Variants in CAST observed in about 807,000 individuals in gnomAD.
CAST encodes the protein MIR583 host.
A neutral mutation model predicts 119.6 loss-of-function variants in CAST; 76 were observed. That is an observed-to-expected ratio of 0.64 (90% CI 0.53 to 0.77). The LOEUF (loss-of-function observed/expected upper bound fraction) is 0.77, where lower values mean the gene tolerates loss of function less well. Ranked by LOEUF, CAST falls within the 30% of genes least tolerant of loss-of-function variation. CAST has a pLI of 0.00. For synonymous variants in CAST, 319 were observed against 331.6 expected (o/e 0.96, Z 0.41); for missense variants, 953 against 946.5 (o/e 1.01, Z -0.09).
At chr5:96,583,664 G>C (rs745713496) in intron 1 of CAST, among the ~76,000 whole-genome samples, 1 of 152,080 alleles carries the variant, frequency 6.6e-6, no homozygotes, top group African/African-American at 2.4e-5. Context: ...TATTATTTTC[G>C]TACAACTTTT....
the CAST span, chr5:96,434,098 T>A: frequency 7.2e-5 from 11 of 152,316 alleles, no homozygotes; most frequent in South Asian, 2.3e-3. Flanking sequence ...GTAGAGCTCT[T>A]CACTTTGGTG....
the CAST span, among the ~76,000 whole-genome samples, chr5:96,427,244 C>T: frequency 6.6e-6 from 1 of 152,182 alleles, no homozygotes; most frequent in Non-Finnish European, 1.5e-5. Context: ...AGAGGAGGCA[C>T]TCTGCCGTCT....
intron 1 of CAST, among the ~76,000 whole-genome samples, chr5:96,550,516 G>T (rs888397623): frequency 6.6e-6 from 1 of 152,164 alleles, no homozygotes; most frequent in Non-Finnish European, 1.5e-5. Context: ...TCCTCCAAAG[G>T]AACACAACTC....
the CAST span, among the ~76,000 whole-genome samples, chr5:96,124,963 C>T: frequency 1.3e-5 from 2 of 152,086 alleles, no homozygotes; most frequent in South Asian, 4.2e-4. Flanking sequence ...AAAGACTAGC[C>T]TTCTGTGGTT....
At chr5:96,358,524 C>T in the CAST span, among the ~76,000 whole-genome samples, 13 of 151,996 alleles carry the variant, frequency 8.6e-5, no homozygotes, top group Non-Finnish European at 1.5e-4. Flanking sequence ...GATTCTGGTA[C>T]GTTGTGTTTT....
intron 2 of CAST, among the ~76,000 whole-genome samples, chr5:96,684,565 C>CTTTT (rs553311999): frequency 7.0e-6 from 1 of 142,602 alleles, no homozygotes; most frequent in Admixed American, 7.1e-5. Context: ...GCATCACTAT[C>CTTTT]TTTTTTTTTT....
chr5:96,166,072 C>T, the CAST span, among the ~76,000 whole-genome samples: 1 of 152,312 alleles, frequency 6.6e-6, no homozygotes, highest in African/African-American at 2.4e-5. Flanking sequence ...TTGCCAATAT[C>T]TGTGAGATGA....
the CAST span, among the ~76,000 whole-genome samples, chr5:96,083,563 A>G: frequency 2.0e-5 from 3 of 152,212 alleles, no homozygotes; most frequent in Admixed American, 1.3e-4. Flanking sequence ...TAGAAAATTA[A>G]CATGTCTATT....
chr5:95,990,624 T>A, the CAST span, among the ~76,000 whole-genome samples: 1 of 152,114 alleles, frequency 6.6e-6, no homozygotes, highest in African/African-American at 2.4e-5. Flanking sequence ...ATATTATATA[T>A]GCTTAACATT....
chr5:96,018,510 C>T, the CAST span, among the ~76,000 whole-genome samples: 120 of 152,246 alleles, frequency 7.9e-4, no homozygotes, highest in African/African-American at 2.7e-3. Context: ...GGGCATTTGA[C>T]CTCTGGAAAT....
the CAST span, among the ~76,000 whole-genome samples, chr5:96,108,949 G>A: frequency 2.0e-5 from 3 of 152,238 alleles, no homozygotes; most frequent in Admixed American, 6.5e-5. Flanking sequence ...TAAGCCCATC[G>A]GAAAAGCGCA....
intron 4 of CAST, 92 bp from the exon 5 acceptor site, chr5:96,726,702 T>C (rs2150422156): frequency 6.0e-6 from 5 of 829,390 alleles, no homozygotes; most frequent in East Asian, 2.6e-5. Context: ...ATGAATAGAA[T>C]TGATATAATC....
chr5:96,471,481 A>G, the CAST span, among the ~76,000 whole-genome samples: 2 of 152,208 alleles, frequency 1.3e-5, no homozygotes, highest in African/African-American at 4.8e-5. Context: ...ATTTTTATGT[A>G]AAAACGACTG....
the CAST span, among the ~76,000 whole-genome samples, chr5:96,032,726 A>G: frequency 1.3e-5 from 2 of 152,214 alleles, no homozygotes; most frequent in Admixed American, 6.6e-5. Flanking sequence ...CATATCCTAT[A>G]TATTTATCAT....
chr5:96,341,326 C>T, the CAST span, among the ~76,000 whole-genome samples: 16 of 137,526 alleles, frequency 1.2e-4, no homozygotes, highest in African/African-American at 4.0e-4. Flanking sequence ...CCACTCCCAT[C>T]CCCCCACCCT....
the CAST span, among the ~76,000 whole-genome samples, chr5:96,078,891 C>T: frequency 6.6e-6 from 1 of 152,012 alleles, no homozygotes; most frequent in Non-Finnish European, 1.5e-5. Flanking sequence ...ATGATGAGAA[C>T]ATAGGGACAC....
the CAST span, among the ~76,000 whole-genome samples, chr5:96,385,713 T>C: frequency 6.6e-6 from 1 of 152,230 alleles, no homozygotes; most frequent in Non-Finnish European, 1.5e-5. Context: ...ACTCTGTTCA[T>C]GGAGCAGAAG....
At chr5:96,578,859 T>C (rs1254273593) in intron 1 of CAST, among the ~76,000 whole-genome samples, 1 of 152,212 alleles carries the variant, frequency 6.6e-6, no homozygotes, top group African/African-American at 2.4e-5. Flanking sequence ...TTACCCTATT[T>C]AGGTTTAGCA....
At chr5:96,497,496 A>G in the CAST span, among the ~76,000 whole-genome samples, 3 of 151,644 alleles carry the variant, frequency 2.0e-5, no homozygotes, top group Non-Finnish European at 4.4e-5. Context: ...AAGTGTTCCT[A>G]TTTCTCCACA....
Sources: gnomAD v4.1 joint callset for allele counts (sites outside exome capture counted in the v4.1 genomes callset) on GRCh38, gnomAD v4.1.1 for gene constraint, MANE v1.5 for transcripts, NCBI Gene and HGNC (gene_info 2026-07-23, HGNC 2026-07-21) for gene names.